Variants in HYCC1 observed in about 807,000 individuals in gnomAD.
HYCC1 encodes the protein hyccin.
At chr7:22,976,707 C>G in the HYCC1 span, 1 of 1,605,420 alleles carries the variant, frequency 6.2e-7, no homozygotes, top group East Asian at 2.2e-5. Flanking sequence ...TCTGTGCTGT[C>G]AGCATCTCCC....
the HYCC1 span, among the ~76,000 whole-genome samples, chr7:22,973,416 A>C: frequency 6.6e-6 from 1 of 152,252 alleles, no homozygotes; most frequent in Non-Finnish European, 1.5e-5. Flanking sequence ...TTTATCATTG[A>C]GAATACAGTC....
At chr7:22,936,454 G>T in the HYCC1 span, 2 of 152,208 alleles carry the variant, frequency 1.3e-5, no homozygotes, top group Non-Finnish European at 2.9e-5. Flanking sequence ...ATACCAAAGA[G>T]ATTTACTGAT....
the HYCC1 span, chr7:22,940,716 T>G: frequency 3.9e-5 from 6 of 152,260 alleles, no homozygotes; most frequent in African/African-American, 1.4e-4. Flanking sequence ...TCATTTATTG[T>G]CTCATAAATG....
the HYCC1 span, among the ~76,000 whole-genome samples, chr7:22,963,703 A>T: frequency 6.6e-6 from 1 of 152,224 alleles, no homozygotes; most frequent in African/African-American, 2.4e-5. Flanking sequence ...CATAGACAAT[A>T]CATAAACAAA....
the HYCC1 span, among the ~76,000 whole-genome samples, chr7:23,003,146 A>G: frequency 6.6e-6 from 1 of 152,148 alleles, no homozygotes; most frequent in Admixed American, 6.5e-5. Context: ...ATGGGACACA[A>G]TGCAGCCCAT....
At chr7:22,986,028 TTA>T in the HYCC1 span, among the ~76,000 whole-genome samples, 7 of 149,294 alleles carry the variant, frequency 4.7e-5, no homozygotes, top group South Asian at 2.1e-4. Flanking sequence ...GATTACTACT[TTA>T]TATATATATA....
the HYCC1 span, chr7:23,013,892 G>A: frequency 2.2e-6 from 1 of 462,436 alleles, no homozygotes; most frequent in Non-Finnish European, 4.5e-6. Context: ...GGACGCCCTG[G>A]GGGCCCGGCG....
chr7:22,940,919 T>G, the HYCC1 span: 2 of 151,804 alleles, frequency 1.3e-5, no homozygotes, highest in African/African-American at 4.8e-5. Flanking sequence ...GGACTACTAC[T>G]CACCACACAT....
chr7:22,976,423 A>T, the HYCC1 span: 2 of 730,912 alleles, frequency 2.7e-6, no homozygotes, highest in East Asian at 2.7e-5. Context: ...CCTGCACAGT[A>T]TAAGCACACC....
chr7:22,945,815 G>T, the HYCC1 span: 6 of 1,613,752 alleles, frequency 3.7e-6, no homozygotes, highest in Middle Eastern at 1.7e-4. Context: ...AAATACAGTC[G>T]CTGCGGTCTT....
At chr7:22,940,648 T>TA in the HYCC1 span, 1 of 152,158 alleles carries the variant, frequency 6.6e-6, no homozygotes, top group Admixed American at 6.6e-5. Flanking sequence ...ATTGTACTGT[T>TA]AAAGAAAACA....
At chr7:22,909,543 C>G in the HYCC1 span, among the ~76,000 whole-genome samples, 785 of 152,286 alleles carry the variant, frequency 5.2e-3, 6 homozygotes, top group African/African-American at 0.018. Flanking sequence ...ATCCCTTTGC[C>G]ATAATAAACC....
the HYCC1 span, among the ~76,000 whole-genome samples, chr7:22,916,731 T>C: frequency 6.6e-6 from 1 of 152,318 alleles, no homozygotes; most frequent in South Asian, 2.1e-4. Flanking sequence ...CCAGGCCTAA[T>C]TGCCACTCAC....
At chr7:22,925,383 C>T in the HYCC1 span, among the ~76,000 whole-genome samples, 39,356 of 151,918 alleles carry the variant, frequency 0.26, 5,196 homozygotes, top group East Asian at 0.45. Flanking sequence ...CAAGCTACTC[C>T]GAGCTAAAGG....
At chr7:22,968,985 C>CAAA in the HYCC1 span, among the ~76,000 whole-genome samples, 3 of 149,238 alleles carry the variant, frequency 2.0e-5, no homozygotes, top group Non-Finnish European at 4.5e-5. Context: ...GACTCCATCT[C>CAAA]AAAAAAAACA....
the HYCC1 span, among the ~76,000 whole-genome samples, chr7:23,005,878 T>G: frequency 6.6e-6 from 1 of 152,292 alleles, no homozygotes; most frequent in Admixed American, 6.5e-5. Flanking sequence ...CCCCATCCAT[T>G]TCTATAATAT....
At chr7:22,959,088 T>C in the HYCC1 span, among the ~76,000 whole-genome samples, 11 of 152,208 alleles carry the variant, frequency 7.2e-5, no homozygotes, top group African/African-American at 2.7e-4. Flanking sequence ...AGCTGAAGTA[T>C]GTTTAGACTA....
At chr7:22,959,956 A>G in the HYCC1 span, among the ~76,000 whole-genome samples, 1 of 152,260 alleles carries the variant, frequency 6.6e-6, no homozygotes, top group Non-Finnish European at 1.5e-5. Flanking sequence ...ATACTTTTGA[A>G]TACAAGCCCA....
chr7:22,954,817 A>C, the HYCC1 span, among the ~76,000 whole-genome samples: 1 of 151,578 alleles, frequency 6.6e-6, no homozygotes, highest in Non-Finnish European at 1.5e-5. Flanking sequence ...AAATAATTAA[A>C]TGCACTGTTA....
Sources: allele counts gnomAD v4.1 joint callset (sites outside exome capture counted in the v4.1 genomes callset), GRCh38; gene constraint gnomAD v4.1.1; transcripts MANE v1.5; gene names NCBI Gene and HGNC (gene_info 2026-07-23, HGNC 2026-07-21).